LANCL2: variants seen among roughly 807,000 people sequenced by gnomAD.
LANCL2 encodes LanC like glutathione S-transferase 2.
A neutral mutation model predicts 56.9 loss-of-function variants in LANCL2; 33 were observed. That is an observed-to-expected ratio of 0.58 (90% CI 0.44 to 0.78). LANCL2 has a LOEUF of 0.78. Among genes scored for constraint, LANCL2 ranks in the 30% least tolerant of loss-of-function variants. The pLI, the probability that LANCL2 is intolerant of heterozygous loss-of-function variation, is 0.00. For missense variants in LANCL2, 562 were observed against 580.2 expected (o/e 0.97, Z 0.32); for synonymous variants, 233 against 228.2 (o/e 1.02, Z -0.19).
intron 1 of LANCL2, among the ~76,000 whole-genome samples, chr7:55,366,941 A>G (rs1789881383): frequency 6.6e-6 from 1 of 152,212 alleles, no homozygotes; most frequent in Non-Finnish European, 1.5e-5. Flanking sequence ...AACCACGTCT[A>G]GGTAGAAATC....
intron 1 of LANCL2, among the ~76,000 whole-genome samples, chr7:55,368,450 C>T (rs1432135325): frequency 2.0e-5 from 3 of 152,004 alleles, no homozygotes; most frequent in Non-Finnish European, 4.4e-5. Flanking sequence ...AATGAGAGCA[C>T]GTTGAAGGGA....
At chr7:55,408,340 G>C (rs975083531) in intron 5 of LANCL2, among the ~76,000 whole-genome samples, 3 of 152,072 alleles carry the variant, frequency 2.0e-5, no homozygotes, top group Admixed American at 1.3e-4. Context: ...CACAATAGGA[G>C]GGAGGAAAAT....
At chr7:55,426,980 GGGGTGGCCTGCAGA>G (rs1790671120) in intron 7 of LANCL2, among the ~76,000 whole-genome samples, 1 of 152,226 alleles carries the variant, frequency 6.6e-6, no homozygotes, top group Non-Finnish European at 1.5e-5. Flanking sequence ...GGGCCAGGCA[GGGGTGGCCTGCAGA>G]GGTGGAATGC....
At chr7:55,397,842 T>C (rs1262184543) in intron 2 of LANCL2, among the ~76,000 whole-genome samples, 1 of 152,144 alleles carries the variant, frequency 6.6e-6, no homozygotes, top group Non-Finnish European at 1.5e-5. Flanking sequence ...ACGCCCTTTG[T>C]ACTGATCACC....
chr7:55,407,587 TTGAG>T (rs1353952060), intron 5 of LANCL2, among the ~76,000 whole-genome samples: 1 of 152,214 alleles, frequency 6.6e-6, no homozygotes, highest in African/African-American at 2.4e-5. Flanking sequence ...TTGGTGGACT[TTGAG>T]TGAAGCCAGC....
intron 3 of LANCL2, among the ~76,000 whole-genome samples, chr7:55,399,529 G>C (rs1319997647): frequency 1.3e-5 from 2 of 152,130 alleles, no homozygotes; most frequent in African/African-American, 4.8e-5. Flanking sequence ...TTTTAGTAGA[G>C]ACGGGGTTTC....
chr7:55,398,846 A>C (rs1234142891), intron 3 of LANCL2, among the ~76,000 whole-genome samples: 1 of 152,160 alleles, frequency 6.6e-6, no homozygotes, highest in African/African-American at 2.4e-5. Flanking sequence ...ATATTTCCTT[A>C]TTTTAACCAT....
chr7:55,380,013 A>G (rs764347129), intron 1 of LANCL2, among the ~76,000 whole-genome samples: 15 of 152,228 alleles, frequency 9.9e-5, no homozygotes, highest in Admixed American at 7.9e-4. Flanking sequence ...AGCTTTCGCT[A>G]TAAGGGAAGG....
At chr7:55,369,838 AAG>A (rs1256948574) in intron 1 of LANCL2, among the ~76,000 whole-genome samples, 1 of 152,234 alleles carries the variant, frequency 6.6e-6, no homozygotes, top group East Asian at 1.9e-4. Context: ...ATGAGAAGGA[AAG>A]AGAACTCTGA....
intron 1 of LANCL2, among the ~76,000 whole-genome samples, chr7:55,384,082 G>GA (rs907107377): frequency 1.2e-3 from 170 of 145,696 alleles, no homozygotes; most frequent in African/African-American, 3.4e-3. Context: ...GTGCAAAACA[G>GA]AAAAAAAAAA....
In LANCL2 at chr7:55,432,729, T is replaced by G. The variant is rs1229398639; in HGVS notation, c.*1409T>G. 1 of 152,254 alleles carries G rather than the reference T, an allele frequency of 6.6e-6. No individual in the cohort carries two copies. Among genetic ancestry groups the G allele is most frequent in the Non-Finnish European group, 1.5e-5 (1 of 68,038 alleles). The allele number at this position is 152,254 out of a possible 1,614,324, so 9.4% of individuals were successfully genotyped here. On this transcript the variant is annotated 3_prime_UTR_variant, in exon 9 of 9. Coordinates refer to ENST00000254770, the MANE Select transcript of LANCL2 (RefSeq NM_018697.4). ...CTTCCTTTTTACTTGTGTGGTTATG[T>G]GTGGGGCTGGCACCCGAAATGTGTG... is the stretch of plus-strand genomic sequence containing the variant.
intron 5 of LANCL2, among the ~76,000 whole-genome samples, chr7:55,402,793 C>T (rs1283225288): frequency 7.9e-6 from 1 of 127,212 alleles, no homozygotes; most frequent in Non-Finnish European, 1.7e-5. Flanking sequence ...GGTCTCCTCA[C>T]TTCTCAGACG....
In LANCL2 at chr7:55,428,388, G is replaced by A. The variant is rs1372040473; in HGVS notation, c.1199G>A (p.Cys400Tyr). Residue 400 changes from cysteine (C) to tyrosine (Y), a missense_variant, in exon 8 of 9, where the codon TGT becomes TAT. By Grantham distance (194) the Cys-to-Tyr change is radical (BLOSUM62 -2). Around this residue, in one of 2 missense-constraint regions of LANCL2, gnomAD observed 378 missense variants for 468.4 expected, o/e 0.81. Coordinates refer to ENST00000254770, the MANE Select transcript of LANCL2 (RefSeq NM_018697.4). ...LYRACKFAEW[C>Y]LDYGAHGCRI... ...CTTTCTTTTCAGTTTGCAGAGTGGT[G>A]TCTAGATTACGGAGCACACGGGTGC... 1.2e-5 allele frequency: 20 copies of A among 1,613,996 alleles called. No individual in the cohort carries two copies. The highest frequency in any genetic ancestry group is 1.5e-5 in the Non-Finnish European group (18 of 1,179,934).
rs117697902 is a variant in LANCL2 at position 55,422,151 on chromosome 7, A to G, written c.1009-3103A>G. Among the ~76,000 whole-genome samples the G allele has an allele frequency of 4.9e-4, 75 of 152,350 alleles. 1 individual carries two copies. The East Asian group carries it at 0.013, about 26-fold the overall frequency. Reference sequence around the variant, plus strand: ...TTTAGTGGTCTTTGTTTCTTCCTGAAGATCCTGATTTCTATCTGGTATTAT... The same window carrying G: ...TTTAGTGGTCTTTGTTTCTTCCTGAGGATCCTGATTTCTATCTGGTATTAT... On this transcript the variant is annotated intron_variant, in intron 6 of 8. Transcript: ENST00000254770.
At chr7:55,366,967 T>C (rs1291001675) in intron 1 of LANCL2, among the ~76,000 whole-genome samples, 1 of 152,186 alleles carries the variant, frequency 6.6e-6, no homozygotes, top group Non-Finnish European at 1.5e-5. Context: ...CTTGCTCGGC[T>C]CTGGTGCCGA....
At chr7:55,411,794 T>G in intron 5 of LANCL2, 113 bp from the exon 6 acceptor site, 1 of 1,044,814 alleles carries the variant, frequency 9.6e-7, no homozygotes, top group Non-Finnish European at 1.4e-6. Flanking sequence ...TGAATTCTAA[T>G]TTTATGTGCT....
At chr7:55,366,317 G>A in intron 1 of LANCL2, 88 bp downstream of exon 1, 1 of 1,206,472 alleles carries the variant, frequency 8.3e-7, no homozygotes. Flanking sequence ...CGTCACAGGC[G>A]CGCGCCGGGC....
chr7:55,422,558 A>G (rs1790620324), intron 6 of LANCL2, among the ~76,000 whole-genome samples: 2 of 152,136 alleles, frequency 1.3e-5, no homozygotes, highest in Admixed American at 6.5e-5. Flanking sequence ...CACTGGGGTG[A>G]CTGGCCACTC....
intron 1 of LANCL2, among the ~76,000 whole-genome samples, chr7:55,389,315 T>C (rs1790159915): frequency 6.6e-6 from 1 of 152,194 alleles, no homozygotes; most frequent in African/African-American, 2.4e-5. Context: ...CAGTTTCTCT[T>C]AGGTCATCCT....
Sources: gnomAD v4.1 joint callset for allele counts (sites outside exome capture counted in the v4.1 genomes callset) on GRCh38, gnomAD v4.1.1 for gene constraint, gnomAD v4.1.1 regional missense constraint, MANE v1.5 for transcripts, NCBI Gene and HGNC (gene_info 2026-07-23, HGNC 2026-07-21) for gene names.